Variants in HOOK3 observed in about 807,000 individuals in gnomAD.
The protein encoded by HOOK3 is hook microtubule tethering protein 3.
HOOK3 carries 24 observed loss-of-function variants against 116.3 expected under a neutral mutation model. The observed-to-expected ratio is 0.21, with a 90% CI of 0.15 to 0.29. The LOEUF is 0.29. Among genes scored for constraint, HOOK3 ranks in the 10% least tolerant of loss-of-function variants. The pLI, the probability that HOOK3 is intolerant of heterozygous loss-of-function variation, is 1.00. For synonymous variants in HOOK3, 275 were observed against 283.0 expected, an observed-to-expected ratio of 0.97 and a Z score of 0.28; for missense variants, 632 against 830.2, an observed-to-expected ratio of 0.76 and a Z score of 2.93.
intron 10 of HOOK3, among the ~76,000 whole-genome samples, 154 bp from the exon 11 acceptor site, chr8:42,967,859 G>C (rs933348244): frequency 6.6e-6 from 1 of 151,530 alleles, no homozygotes; most frequent in Non-Finnish European, 1.5e-5. Context: ...TTGTAACTTA[G>C]GTCATATTTG....
intron 2 of HOOK3, among the ~76,000 whole-genome samples, chr8:42,912,890 C>T (rs549930758): frequency 1.8e-4 from 27 of 152,334 alleles, no homozygotes; most frequent in African/African-American, 6.3e-4. Flanking sequence ...TAACTATCCT[C>T]TGTGTTCCGC....
At chr8:42,962,102 T>C (rs1808544320) in intron 8 of HOOK3, among the ~76,000 whole-genome samples, 1 of 151,992 alleles carries the variant, frequency 6.6e-6, no homozygotes, top group Non-Finnish European at 1.5e-5. Flanking sequence ...TTTTGTTTTT[T>C]GAGACAGGGT....
intron 4 of HOOK3, among the ~76,000 whole-genome samples, chr8:42,943,042 ATTTC>A (rs1167311565): frequency 6.6e-6 from 1 of 151,734 alleles, no homozygotes; most frequent in Non-Finnish European, 1.5e-5. Context: ...GTATACACCT[ATTTC>A]TTCTGGGAGT....
intron 2 of HOOK3, among the ~76,000 whole-genome samples, chr8:42,917,723 A>G (rs1006634045): frequency 6.6e-6 from 1 of 152,198 alleles, no homozygotes; most frequent in South Asian, 2.1e-4. Context: ...AGAAGGGGAA[A>G]AAGAAAATAG....
chr8:43,012,855 G>T (rs1809638711), intron 19 of HOOK3, among the ~76,000 whole-genome samples, 196 bp from the exon 20 acceptor site: 1 of 152,118 alleles, frequency 6.6e-6, no homozygotes, highest in South Asian at 2.1e-4. Flanking sequence ...ACCTGCCTCA[G>T]CCTCCCAAAG....
intron 21 of HOOK3, among the ~76,000 whole-genome samples, chr8:43,016,395 C>G (rs1174260382): frequency 6.6e-6 from 1 of 152,202 alleles, no homozygotes; most frequent in Non-Finnish European, 1.5e-5. Context: ...GCTGGGATTA[C>G]AGGCATGAGC....
At chr8:42,969,722 T>C (rs1466604433) in intron 11 of HOOK3, among the ~76,000 whole-genome samples, 4 of 152,240 alleles carry the variant, frequency 2.6e-5, no homozygotes, top group Admixed American at 6.5e-5. Context: ...CTTTTAATTA[T>C]ACTTCATGTT....
intron 2 of HOOK3, among the ~76,000 whole-genome samples, chr8:42,920,375 G>A (rs1005732892): frequency 5.3e-5 from 8 of 152,162 alleles, no homozygotes; most frequent in Non-Finnish European, 1.2e-4. Flanking sequence ...CTGCGTATAT[G>A]GCTTCAAAGT....
chr8:42,969,674 T>G (rs1233270196), intron 11 of HOOK3, among the ~76,000 whole-genome samples: 1 of 152,204 alleles, frequency 6.6e-6, no homozygotes, highest in Non-Finnish European at 1.5e-5. Context: ...GAAAAATAAG[T>G]AAAATTTGCC....
At position 42,986,876 on chromosome 8, in the gene HOOK3, G is replaced by A. The variant is rs1809058115; in HGVS notation, c.1532+81G>A. On this transcript the variant is annotated intron_variant, in intron 15 of 21. Coordinates refer to ENST00000307602, the MANE Select transcript of HOOK3 (RefSeq NM_032410.4). Reference sequence around the variant, plus strand: ...TCTGAATCCCTTAAACAAAGAACTGGCAGGGCATGGTGGCTCACGCCTGTA... The same window carrying A: ...TCTGAATCCCTTAAACAAAGAACTGACAGGGCATGGTGGCTCACGCCTGTA... The A allele has an allele frequency of 4.8e-5, 69 of 1,449,046 alleles. 1 individual carries two copies. In the South Asian group the frequency reaches 8.2e-4, roughly 17 times the overall value. 89.8% of individuals were successfully genotyped at this position (1,449,046 alleles called of 1,614,324 possible). A position where few individuals can be genotyped will look rare whatever the true frequency, so the allele number is the denominator to read the frequency against.
chr8:43,005,954 C>T (rs2130479567), intron 17 of HOOK3, among the ~76,000 whole-genome samples: 1 of 151,902 alleles, frequency 6.6e-6, no homozygotes, highest in East Asian at 2.0e-4. Context: ...CTTGGCCTCT[C>T]AAAGTGCTGG....
At chr8:42,993,866 T>C (rs1016585594) in intron 15 of HOOK3, among the ~76,000 whole-genome samples, 3 of 152,164 alleles carry the variant, frequency 2.0e-5, no homozygotes, top group African/African-American at 7.2e-5. Flanking sequence ...TTGTCTCTGA[T>C]TTTATTTATT....
In HOOK3 at chr8:42,980,326, T is replaced by C. The variant is rs144532207; in HGVS notation, c.1322-2301T>C. Among the ~76,000 whole-genome samples the C allele has an allele frequency of 1.1e-4, 16 of 152,282 alleles. No individual in the cohort carries two copies. The East Asian group carries it at 2.7e-3, about 26-fold the overall frequency. Reference sequence around the variant, plus strand: ...CCTTTTTCTCTCAGCTCTGATATCATCAAGAAACCATAAGGCCTTTCACGT... The same window carrying C: ...CCTTTTTCTCTCAGCTCTGATATCACCAAGAAACCATAAGGCCTTTCACGT... On this transcript the variant is annotated intron_variant, in intron 13 of 21. Coordinates refer to ENST00000307602, the MANE Select transcript of HOOK3 (RefSeq NM_032410.4).
intron 4 of HOOK3, among the ~76,000 whole-genome samples, chr8:42,942,396 C>T (rs1808145228): frequency 6.6e-6 from 1 of 152,176 alleles, no homozygotes; most frequent in Admixed American, 6.5e-5. Flanking sequence ...AGTGAACAGC[C>T]ATGTAACATA....
intron 17 of HOOK3, among the ~76,000 whole-genome samples, chr8:43,005,221 T>TG (rs1563312510): frequency 0.013 from 1,764 of 135,302 alleles, 38 homozygotes; most frequent in African/African-American, 0.047. Context: ...ATAATTTTTT[T>TG]TTTTTTTTTT....
At position 43,024,381 on chromosome 8, in the gene HOOK3, C is replaced by A; in HGVS notation, c.*5883C>A. On this transcript the variant is annotated 3_prime_UTR_variant, in exon 22 of 22. Transcript: ENST00000307602. Reference sequence around the variant, plus strand: ...TTCTGAGCAAAATCAAATGGGATGTCAGAATCTTTGAAAATTATTTTATCA... The same window carrying A: ...TTCTGAGCAAAATCAAATGGGATGTAAGAATCTTTGAAAATTATTTTATCA... 1 of 188,896 alleles carries A rather than the reference C, an allele frequency of 5.3e-6. No individual in the cohort carries two copies. The highest frequency in any genetic ancestry group is 1.1e-5 in the Non-Finnish European group (1 of 89,750). 11.7% of individuals were successfully genotyped at this position (188,896 alleles called of 1,614,324 possible).
intron 13 of HOOK3, 43 bp from the exon 14 acceptor site, chr8:42,982,584 T>G (rs1808972973): frequency 3.7e-6 from 5 of 1,351,780 alleles, no homozygotes; most frequent in Admixed American, 1.7e-5. Context: ...GTTGTGTAAC[T>G]GTGTTTTCCA....
rs1463562108 is a variant in HOOK3 at position 43,024,821 on chromosome 8, C to T, written c.*6323C>T. On this transcript the variant is annotated 3_prime_UTR_variant, in exon 22 of 22. Transcript: ENST00000307602. Reference sequence around the variant, plus strand: ...ATAATATGCTAACAGAGCTAATTTCCACCCAATCCCTCAAATTACCGAAGT... The same window carrying T: ...ATAATATGCTAACAGAGCTAATTTCTACCCAATCCCTCAAATTACCGAAGT... 4.8e-6 allele frequency: 1 copy of T among 206,270 alleles called. No individual in the cohort carries two copies. Among genetic ancestry groups the T allele is most frequent in the Non-Finnish European group, 9.9e-6 (1 of 100,938 alleles). The allele number at this position is 206,270 out of a possible 1,614,324, so 12.8% of individuals were successfully genotyped here.
chr8:42,956,365 ATT>A (rs1808436830), intron 6 of HOOK3, among the ~76,000 whole-genome samples: 1 of 151,852 alleles, frequency 6.6e-6, no homozygotes, highest in South Asian at 2.1e-4. Context: ...AGAAGCCACT[ATT>A]TTTAAGTATG....
Sources: gnomAD v4.1 joint callset for allele counts (sites outside exome capture counted in the v4.1 genomes callset) on GRCh38, gnomAD v4.1.1 for gene constraint, MANE v1.5 for transcripts, NCBI Gene and HGNC (gene_info 2026-07-23, HGNC 2026-07-21) for gene names.